Variants in KAZN observed in about 807,000 individuals in gnomAD.
KAZN encodes kazrin, periplakin interacting protein, also known as kazrin.
A neutral mutation model predicts 87.4 loss-of-function variants in KAZN; 40 were observed. The ratio of observed to expected loss-of-function variants is 0.46; its 90% CI spans 0.36 to 0.60. The LOEUF (loss-of-function observed/expected upper bound fraction) is 0.60. Among genes scored for constraint, KAZN ranks in the 20% least tolerant of loss-of-function variants. KAZN has a pLI of 0.00. For missense variants in KAZN, 898 were observed against 1,073.9 expected (o/e 0.84, Z 2.29); for synonymous variants, 466 against 458.3 (o/e 1.02, Z -0.22).
intron 1 of KAZN, among the ~76,000 whole-genome samples, chr1:14,160,079 T>C (rs1645677572): frequency 6.6e-6 from 1 of 152,164 alleles, no homozygotes; most frequent in Non-Finnish European, 1.5e-5. Context: ...CCTGCACTCT[T>C]TTAGCTGTCA....
intron 1 of KAZN, among the ~76,000 whole-genome samples, chr1:14,855,844 G>A (rs1307741761): frequency 6.6e-6 from 1 of 152,204 alleles, no homozygotes; most frequent in African/African-American, 2.4e-5. Flanking sequence ...TAAGCCATCA[G>A]CCTATGTAAT....
chr1:14,867,499 T>G (rs376893435), intron 1 of KAZN, among the ~76,000 whole-genome samples: 24 of 152,290 alleles, frequency 1.6e-4, no homozygotes, highest in African/African-American at 5.3e-4. Context: ...TAAGACAGGC[T>G]TTTTGACTTC....
At position 15,004,943 on chromosome 1, in the gene KAZN, G is replaced by A. The variant is rs998474862; in HGVS notation, c.419-29806G>A. Among the ~76,000 whole-genome samples, 4 of 152,186 alleles carry A rather than the reference G, an allele frequency of 2.6e-5. No individual in the cohort carries two copies. In the South Asian group the frequency reaches 6.2e-4, roughly 24 times the overall value. On this transcript the variant is annotated intron_variant, in intron 2 of 14. Transcript: ENST00000376030. ...GGCATGAACCAGGCACCTGAGAATCGACTTTTTATGATTGCCATTATTAAA... is the reference window on the plus strand; with the variant it reads ...GGCATGAACCAGGCACCTGAGAATCAACTTTTTATGATTGCCATTATTAAA...
In KAZN at chr1:15,099,470, A is replaced by G. The variant is rs1378306025; in HGVS notation, c.1548-2073A>G. 6.6e-6 allele frequency among the ~76,000 whole-genome samples: 1 copy of G among 152,152 alleles called. No homozygotes were observed. The highest frequency in any genetic ancestry group is 1.5e-5 in the Non-Finnish European group (1 of 68,022). ...AACTTCAGACAGCAAATTCAGAGAA[A>G]AGGGAGATTTGACGCCCAAGGGATG... On this transcript the variant is annotated intron_variant, in intron 10 of 14. Coordinates refer to ENST00000376030, the MANE Select transcript of KAZN (RefSeq NM_201628.3). The surrounding 1 kb of genome is among the most constrained non-coding windows in gnomAD (Gnocchi z 5.4).
chr1:15,033,255 T>C (rs1456601473), intron 2 of KAZN, among the ~76,000 whole-genome samples: 2 of 152,200 alleles, frequency 1.3e-5, no homozygotes, highest in Non-Finnish European at 2.9e-5. Flanking sequence ...GCCCTCCTTG[T>C]TTTTATTTAT....
chr1:14,319,146 A>G (rs373657985), intron 2 of KAZN, among the ~76,000 whole-genome samples: 2 of 150,312 alleles, frequency 1.3e-5, no homozygotes, highest in Admixed American at 1.3e-4. Flanking sequence ...TTAATTTTAC[A>G]TTTGGGGTTT....
At chr1:14,191,604 G>A (rs966784981) in intron 2 of KAZN, among the ~76,000 whole-genome samples, 7 of 152,238 alleles carry the variant, frequency 4.6e-5, no homozygotes, top group African/African-American at 1.4e-4. Flanking sequence ...TGTCTCTGCT[G>A]ATCATTGGAG....
intron 1 of KAZN, among the ~76,000 whole-genome samples, chr1:14,823,390 T>G (rs566234948): frequency 7.4e-4 from 113 of 152,224 alleles, no homozygotes; most frequent in Admixed American, 1.8e-3. Context: ...TGGTATCTCC[T>G]GCACAGCCTT....
chr1:15,058,915 G>A (rs763950219), intron 5 of KAZN, among the ~76,000 whole-genome samples: 1 of 151,896 alleles, frequency 6.6e-6, no homozygotes, highest in Admixed American at 6.6e-5. Flanking sequence ...CCAGCTACTC[G>A]GGAGGCTGAG....
At chr1:14,514,583 T>TA (rs1345658172) in intron 2 of KAZN, among the ~76,000 whole-genome samples, 3 of 62,814 alleles carry the variant, frequency 4.8e-5, no homozygotes, top group Non-Finnish European at 9.7e-5. Flanking sequence ...ATTTTATATA[T>TA]TTTTTTATAT....
At chr1:15,015,785 G>A (rs940877855) in intron 2 of KAZN, among the ~76,000 whole-genome samples, 2 of 152,016 alleles carry the variant, frequency 1.3e-5, no homozygotes, top group Non-Finnish European at 2.9e-5. Context: ...CCATTGCCTC[G>A]TCTTTGCTGC....
rs937862863 is a variant in KAZN at position 14,682,075 on chromosome 1, G to T, written c.226+82852G>T. On this transcript the variant is annotated intron_variant, in intron 1 of 14. Transcript: ENST00000376030. ...CATCATCACTATCCATCTCCAGAAC[G>T]TTTTTCATCTTCTCAAAGAGCAGCT... 2.0e-5 allele frequency among the ~76,000 whole-genome samples: 3 copies of T among 151,990 alleles called. No homozygotes were observed. In the East Asian group the frequency reaches 5.8e-4, roughly 30 times the overall value.
At chr1:14,080,515 T>C (rs1643634442) in intron 1 of KAZN, among the ~76,000 whole-genome samples, 3 of 152,232 alleles carry the variant, frequency 2.0e-5, no homozygotes, top group Admixed American at 2.0e-4. Flanking sequence ...TATTTGTTGC[T>C]TCTTAGTTGC....
At chr1:13,907,139 T>A (rs1282546138) in intron 1 of KAZN, among the ~76,000 whole-genome samples, 1 of 152,202 alleles carries the variant, frequency 6.6e-6, no homozygotes, top group East Asian at 1.9e-4. Context: ...GGCTAAAACC[T>A]TGATGAAAAG....
At chr1:14,828,552 A>G (rs1164874916) in intron 1 of KAZN, among the ~76,000 whole-genome samples, 2 of 152,162 alleles carry the variant, frequency 1.3e-5, no homozygotes, top group Non-Finnish European at 2.9e-5. Flanking sequence ...GAGATTCCTG[A>G]ACCCTGGGGC....
At chr1:14,393,058 C>T (rs2149512) in intron 2 of KAZN, among the ~76,000 whole-genome samples, 53,198 of 152,062 alleles carry the variant, frequency 0.35, 9,902 homozygotes, top group East Asian at 0.72. Flanking sequence ...GGACTGTTCT[C>T]TGCTGGCTCA....
chr1:13,980,363 T>A (rs933401110), intron 1 of KAZN, among the ~76,000 whole-genome samples: 1 of 152,096 alleles, frequency 6.6e-6, no homozygotes, highest in East Asian at 1.9e-4. Flanking sequence ...TTAAAACATA[T>A]AACTATATGC....
Position 14,241,518 on chromosome 1 carries a change from T to C in KAZN, c.249+60926T>C, listed in dbSNP as rs1302078741. On this transcript the variant is annotated intron_variant, in intron 2 of 16. Coordinates refer to the KAZN transcript ENST00000636203. ...CATTTGGAAGCCAGAAACAGACATA[T>C]AATAACAATAGTTGTTAATGAAAGG... Among the ~76,000 whole-genome samples the C allele has an allele frequency of 2.0e-5, 3 of 152,350 alleles. No individual in the cohort carries two copies. The East Asian group carries it at 5.8e-4, about 29-fold the overall frequency.
chr1:14,858,203 C>CTTTTTT (rs1388659468), intron 1 of KAZN, among the ~76,000 whole-genome samples: 13 of 95,090 alleles, frequency 1.4e-4, no homozygotes, highest in African/African-American at 5.3e-4. Flanking sequence ...TTTCTTTTTT[C>CTTTTTT]TTTTTCTTTT....
Sources: allele counts gnomAD v4.1 joint callset (sites outside exome capture counted in the v4.1 genomes callset), GRCh38; gene constraint gnomAD v4.1.1; non-coding constraint Gnocchi (gnomAD v3.1); transcripts MANE v1.5; gene names NCBI Gene and HGNC (gene_info 2026-07-23, HGNC 2026-07-21).